Variants in SLC22A23 observed in about 807,000 individuals in gnomAD.
SLC22A23 encodes the protein ion transporter protein.
SLC22A23 carries 26 observed loss-of-function variants against 61.0 expected under a neutral mutation model. The ratio of observed to expected loss-of-function variants is 0.43; its 90% CI spans 0.31 to 0.59. The LOEUF (loss-of-function observed/expected upper bound fraction) is 0.59. Among genes scored for constraint, SLC22A23 ranks in the 20% least tolerant of loss-of-function variants. The probability of loss-of-function intolerance (pLI) is 0.11; values close to 1 mark genes in which losing one functional copy is unlikely to be tolerated. For missense variants in SLC22A23, 796 were observed against 934.7 expected, an observed-to-expected ratio of 0.85 and a Z score of 1.94; for synonymous variants, 430 against 413.9, an observed-to-expected ratio of 1.04 and a Z score of -0.47.
At chr6:3,347,134 C>T (rs547022356) in intron 3 of SLC22A23, among the ~76,000 whole-genome samples, 2 of 152,294 alleles carry the variant, frequency 1.3e-5, no homozygotes, top group Non-Finnish European at 2.9e-5. Flanking sequence ...ACTACCCCCA[C>T]GCTGTGATGT....
At chr6:3,384,938 T>G (rs1232894472) in intron 3 of SLC22A23, among the ~76,000 whole-genome samples, 1 of 152,220 alleles carries the variant, frequency 6.6e-6, no homozygotes, top group Non-Finnish European at 1.5e-5. Context: ...TGCTGCAACA[T>G]GTCTGAACAT....
At chr6:3,325,782 G>A (rs752263109) in intron 3 of SLC22A23, among the ~76,000 whole-genome samples, 13 of 152,202 alleles carry the variant, frequency 8.5e-5, no homozygotes, top group East Asian at 1.9e-4. Context: ...TATTAGCCAC[G>A]GTAAATTCAG....
intron 3 of SLC22A23, among the ~76,000 whole-genome samples, chr6:3,401,707 G>A (rs954834471): frequency 3.3e-5 from 5 of 152,174 alleles, no homozygotes; most frequent in Admixed American, 2.6e-4. Context: ...CACACAGTCG[G>A]TTCCTCCCTG....
chr6:3,384,391 T>C (rs1463044638), intron 3 of SLC22A23, among the ~76,000 whole-genome samples: 1 of 152,232 alleles, frequency 6.6e-6, no homozygotes, highest in Non-Finnish European at 1.5e-5. Flanking sequence ...AAATTACGAA[T>C]GCTGTAAATA....
rs1006398213 is a variant in SLC22A23, at chr6:3,390,074, G to A, written c.913+20114C>T. Among the ~76,000 whole-genome samples the A allele has an allele frequency of 9.9e-5, 15 of 152,144 alleles. No homozygotes were observed. The highest frequency in any genetic ancestry group is 3.3e-4 in the Admixed American group (5 of 15,276). ...GAAATGAACAGAGTTCTCCTGGCAC[G>A]GCATCACTGGGCCAGTTGCCACCAT... On this transcript the variant is annotated intron_variant, in intron 3 of 9. Transcript: ENST00000406686. This position sits in a 1 kb window ranked among gnomAD's most constrained non-coding sequence, Gnocchi z 4.0.
At chr6:3,444,949 G>A (rs906259870) in intron 1 of SLC22A23, 27 of 985,344 alleles carry the variant, frequency 2.7e-5, no homozygotes, top group East Asian at 1.1e-4. Context: ...GACTCATCCC[G>A]GTCGTCCTCA....
chr6:3,434,747 G>T (rs1433320051), intron 1 of SLC22A23, among the ~76,000 whole-genome samples: 1 of 152,220 alleles, frequency 6.6e-6, no homozygotes, highest in Non-Finnish European at 1.5e-5. Flanking sequence ...GACGCGAGGG[G>T]TGTGGCCAAT....
chr6:3,422,222 TC>T (rs2127530656), intron 1 of SLC22A23, among the ~76,000 whole-genome samples: 2 of 152,226 alleles, frequency 1.3e-5, no homozygotes, highest in Admixed American at 1.3e-4. Flanking sequence ...TCAGCATTTT[TC>T]CCCCCTAAAA....
intron 4 of SLC22A23, chr6:3,313,418 T>G (rs528420180): frequency 6.6e-6 from 1 of 152,330 alleles, no homozygotes; most frequent in East Asian, 1.9e-4. Flanking sequence ...GTAAAAATAA[T>G]TATTGCCTAT....
At chr6:3,455,747 C>T (rs1050049244) in intron 1 of SLC22A23, among the ~76,000 whole-genome samples, 159 bp downstream of exon 1, 4 of 152,216 alleles carry the variant, frequency 2.6e-5, no homozygotes, top group Admixed American at 6.5e-5. Flanking sequence ...CAAGTAAAGG[C>T]ATGTGGTTTG....
chr6:3,314,657 A>AT (rs921870884), intron 4 of SLC22A23, among the ~76,000 whole-genome samples: 4 of 151,968 alleles, frequency 2.6e-5, no homozygotes, highest in South Asian at 2.1e-4. Flanking sequence ...ACATATTGGA[A>AT]TTTTTTTTTA....
At chr6:3,359,608 C>A (rs1186359747) in intron 3 of SLC22A23, among the ~76,000 whole-genome samples, 10 of 152,162 alleles carry the variant, frequency 6.6e-5, no homozygotes, top group Admixed American at 5.9e-4. Flanking sequence ...TGGGAATGTA[C>A]AACGGTGCAG....
chr6:3,394,554 T>C (rs1767883119), intron 3 of SLC22A23, among the ~76,000 whole-genome samples: 1 of 152,232 alleles, frequency 6.6e-6, no homozygotes. Flanking sequence ...AATTATCAGG[T>C]TGAATTTGTG....
At chr6:3,435,033 G>A (rs1483871778) in intron 1 of SLC22A23, among the ~76,000 whole-genome samples, 2 of 152,130 alleles carry the variant, frequency 1.3e-5, no homozygotes, top group African/African-American at 4.8e-5. Context: ...CCTGGGCGGA[G>A]AACCCAGGCA....
At chr6:3,424,315 A>T (rs1770338005) in intron 1 of SLC22A23, among the ~76,000 whole-genome samples, 1 of 152,200 alleles carries the variant, frequency 6.6e-6, no homozygotes, top group Non-Finnish European at 1.5e-5. Flanking sequence ...TTCTGGCTTG[A>T]TGCCTGCTTT....
At chr6:3,284,055 C>T in intron 8 of SLC22A23, 80 bp from the exon 9 acceptor site, 1 of 1,416,324 alleles carries the variant, frequency 7.1e-7, no homozygotes, top group South Asian at 1.4e-5. Flanking sequence ...GGCTGCACAG[C>T]ACAGCTCCTT....
intron 1 of SLC22A23, among the ~76,000 whole-genome samples, chr6:3,420,725 C>T (rs1009031899): frequency 3.3e-5 from 5 of 152,162 alleles, no homozygotes; most frequent in African/African-American, 9.7e-5. Context: ...TACACCAATA[C>T]TGCAACCAGA....
intron 6 of SLC22A23, among the ~76,000 whole-genome samples, chr6:3,288,806 C>T (rs186291378): frequency 3.9e-5 from 6 of 152,354 alleles, no homozygotes; most frequent in East Asian, 1.9e-4. Flanking sequence ...CTGATGTGGC[C>T]GTGGCCGGTC....
chr6:3,453,647 T>C (rs1213937867), intron 1 of SLC22A23, among the ~76,000 whole-genome samples: 4 of 152,298 alleles, frequency 2.6e-5, no homozygotes, highest in Middle Eastern at 3.4e-3. Flanking sequence ...GCATATATTG[T>C]AGGGCACACA....
Sources: gnomAD v4.1 joint callset for allele counts (sites outside exome capture counted in the v4.1 genomes callset) on GRCh38, gnomAD v4.1.1 for gene constraint, Gnocchi (gnomAD v3.1) non-coding constraint, MANE v1.5 for transcripts, NCBI Gene and HGNC (gene_info 2026-07-23, HGNC 2026-07-21) for gene names.